Variants in MAD1L1 observed in about 807,000 individuals in gnomAD.
MAD1L1 encodes mitotic arrest deficient 1 like 1.
MAD1L1 carries 95 observed loss-of-function variants against 96.9 expected under a neutral mutation model. The ratio of observed to expected loss-of-function variants is 0.98; its 90% CI spans 0.83 to 1.16. The LOEUF is 1.16. MAD1L1 is among the 50% of genes most tolerant of loss of function. The pLI is 0.00. For synonymous variants in MAD1L1, 473 were observed against 396.6 expected (o/e 1.19, Z -2.29); for missense variants, 1,007 against 954.4 (o/e 1.06, Z -0.73).
chr7:2,121,384 G>T (rs1220541154), intron 11 of MAD1L1, among the ~76,000 whole-genome samples: 1 of 152,212 alleles, frequency 6.6e-6, no homozygotes, highest in Non-Finnish European at 1.5e-5. Flanking sequence ...CTGCGGATAC[G>T]CCACACACAC....
At chr7:2,121,462 A>C (rs1160375696) in intron 11 of MAD1L1, among the ~76,000 whole-genome samples, 1 of 152,192 alleles carries the variant, frequency 6.6e-6, no homozygotes, top group Non-Finnish European at 1.5e-5. Flanking sequence ...AGGGTCGTTA[A>C]CAGAGTCCCG....
chr7:1,980,596 G>A, intron 14 of MAD1L1, 55 bp from the exon 15 acceptor site: 1 of 1,453,952 alleles, frequency 6.9e-7, no homozygotes, highest in Non-Finnish European at 9.5e-7. Flanking sequence ...CCAGGTGTGT[G>A]GGGAACCCCA....
At chr7:2,109,813 T>C (rs976025195) in intron 11 of MAD1L1, among the ~76,000 whole-genome samples, 5 of 152,264 alleles carry the variant, frequency 3.3e-5, no homozygotes, top group Admixed American at 1.3e-4. Context: ...CTGCTAAATA[T>C]GTAATTTAGG....
intron 16 of MAD1L1, among the ~76,000 whole-genome samples, chr7:1,940,936 C>A (rs1322571548): frequency 6.6e-6 from 1 of 151,376 alleles, no homozygotes; most frequent in Non-Finnish European, 1.5e-5. Flanking sequence ...CCTCCTCCCC[C>A]AGGCCTCACC....
chr7:2,169,105 C>T (rs981894088), intron 10 of MAD1L1, among the ~76,000 whole-genome samples: 4 of 152,206 alleles, frequency 2.6e-5, no homozygotes, highest in African/African-American at 9.6e-5. Flanking sequence ...AGGAGGCAAA[C>T]GATCCGTGAC....
chr7:1,993,790 C>G (rs1252905094), intron 14 of MAD1L1, among the ~76,000 whole-genome samples: 2 of 152,228 alleles, frequency 1.3e-5, no homozygotes, highest in Non-Finnish European at 2.9e-5. Flanking sequence ...GGTCCTCACA[C>G]TGGGAAAGGG....
chr7:2,130,320 G>C (rs887520282), intron 11 of MAD1L1, among the ~76,000 whole-genome samples: 7 of 152,164 alleles, frequency 4.6e-5, no homozygotes, highest in African/African-American at 1.2e-4. Flanking sequence ...AGCACCTCGA[G>C]GCCAAGTCCC....
At chr7:1,835,111 A>G (rs1171156051) in intron 18 of MAD1L1, among the ~76,000 whole-genome samples, 1 of 130,764 alleles carries the variant, frequency 7.6e-6, no homozygotes, top group African/African-American at 3.0e-5. Flanking sequence ...CCCAACAGGC[A>G]TTCCTCAAAA....
intron 18 of MAD1L1, among the ~76,000 whole-genome samples, chr7:1,831,503 G>T (rs1168667454): frequency 6.6e-6 from 1 of 152,152 alleles, no homozygotes; most frequent in African/African-American, 2.4e-5. Context: ...GTGTTCAAGT[G>T]AAAGAAGACT....
intron 12 of MAD1L1, among the ~76,000 whole-genome samples, chr7:2,021,073 T>C (rs1782767912): frequency 6.6e-6 from 1 of 152,092 alleles, no homozygotes; most frequent in South Asian, 2.1e-4. Flanking sequence ...AGAGGCGACC[T>C]AAGAACAGTG....
chr7:2,218,576 G>A (rs1282371024), intron 6 of MAD1L1, among the ~76,000 whole-genome samples: 3 of 152,014 alleles, frequency 2.0e-5, no homozygotes, highest in Admixed American at 6.5e-5. Flanking sequence ...TCCCAGCCAC[G>A]CCCCCTCCAC....
chr7:2,000,455 A>G (rs1018346857), intron 14 of MAD1L1, among the ~76,000 whole-genome samples: 2 of 152,064 alleles, frequency 1.3e-5, no homozygotes, highest in African/African-American at 4.8e-5. Flanking sequence ...AGGGCCCACA[A>G]GGTTGGACTA....
At chr7:1,949,539 T>C (rs1779390449) in intron 16 of MAD1L1, among the ~76,000 whole-genome samples, 1 of 152,158 alleles carries the variant, frequency 6.6e-6, no homozygotes, top group Non-Finnish European at 1.5e-5. Context: ...GTGCTTCCCC[T>C]TCCCCAGAGT....
At chr7:1,850,933 T>A (rs1171802539) in intron 18 of MAD1L1, among the ~76,000 whole-genome samples, 2 of 152,106 alleles carry the variant, frequency 1.3e-5, no homozygotes, top group African/African-American at 4.8e-5. Context: ...CTTCCGGGCA[T>A]CAGAGAGCAG....
At chr7:2,171,445 C>T (rs1028078325) in intron 10 of MAD1L1, among the ~76,000 whole-genome samples, 8 of 152,210 alleles carry the variant, frequency 5.3e-5, no homozygotes, top group African/African-American at 1.9e-4. Context: ...TACAGCAGGG[C>T]CACGTATGGG....
At position 1,980,518 on chromosome 7, in the gene MAD1L1, C is replaced by T. The variant is rs2128483913; in HGVS notation, c.1440G>A (p.Leu480=). The change falls in exon 15 of 19, where the codon CTG becomes CTA. Residue 480 remains leucine (L), a synonymous_variant. Coordinates refer to ENST00000265854, the MANE Select transcript of MAD1L1 (RefSeq NM_001013836.2). ...ADMLEMELKM[L]KSQSSSAEQS... ...GTTCGGCAGAGCTGGACTGAGACTT[C>T]AGCATCTTCAGCTCCATCTCCAGCT... 1 of 1,612,988 alleles carries T rather than the reference C, an allele frequency of 6.2e-7. No homozygotes were observed. The highest frequency in any genetic ancestry group is 8.5e-7 in the Non-Finnish European group (1 of 1,179,718).
At position 2,069,337 on chromosome 7, in the gene MAD1L1, C is replaced by T. The variant is rs201607279; in HGVS notation, c.1075G>A (p.Ala359Thr). The T allele has an allele frequency of 1.8e-5, 29 of 1,593,044 alleles. No individual in the cohort carries two copies. The South Asian group carries it at 2.0e-4, about 11-fold the overall frequency. The change falls in exon 12 of 19, where the codon GCC (alanine) becomes ACC (threonine). Residue 359 changes from alanine (A) to threonine (T), a missense_variant and splice_region_variant. Coordinates refer to ENST00000265854, the MANE Select transcript of MAD1L1 (RefSeq NM_001013836.2). ...TGCCTGGCCTTCTCCAGCCCCCGGG[C>T]GCTGCATGGGAGAGACAAGAGGGCA... ...KDKNSAVTSS[A>T]RGLEKARQQL...
chr7:2,099,507 A>G (rs1786668728), intron 11 of MAD1L1, among the ~76,000 whole-genome samples: 1 of 152,208 alleles, frequency 6.6e-6, no homozygotes, highest in Admixed American at 6.5e-5. Context: ...AAAAAATGAA[A>G]TCTCATTTTA....
chr7:2,161,523 C>T (rs1410384689), intron 10 of MAD1L1, among the ~76,000 whole-genome samples: 2 of 152,124 alleles, frequency 1.3e-5, no homozygotes, highest in Non-Finnish European at 2.9e-5. Context: ...TGCCCAGCCG[C>T]CACCCCATCT....
Sources: gnomAD v4.1 joint callset for allele counts (sites outside exome capture counted in the v4.1 genomes callset) on GRCh38, gnomAD v4.1.1 for gene constraint, MANE v1.5 for transcripts, NCBI Gene and HGNC (gene_info 2026-07-23, HGNC 2026-07-21) for gene names.